RAP1A: variants seen among roughly 807,000 people sequenced by gnomAD.
RAP1A encodes ras-related protein Rap-1A.
In RAP1A, 6 loss-of-function variants were observed where a neutral mutation model predicts 26.4. That is an observed-to-expected ratio of 0.23 (90% CI 0.12 to 0.45). The LOEUF (loss-of-function observed/expected upper bound fraction) is 0.45. Among genes scored for constraint, RAP1A ranks in the 20% least tolerant of loss-of-function variants. The probability of loss-of-function intolerance (pLI) is 0.99; values close to 1 mark genes in which losing one functional copy is unlikely to be tolerated. For synonymous variants in RAP1A, 73 were observed against 79.4 expected (o/e 0.92, Z 0.43); for missense variants, 121 against 217.2 (o/e 0.56, Z 2.78).
rs993003226 is a variant in RAP1A at position 111,674,097 on chromosome 1, A to G, written c.-27-17237A>G. Among the ~76,000 whole-genome samples, 8 of 152,300 alleles carry G rather than the reference A, an allele frequency of 5.3e-5. No individual in the cohort carries two copies. In the East Asian group the frequency reaches 1.4e-3, roughly 26 times the overall value. The stretch of plus-strand genomic sequence containing the variant: ...AAAGCTGGAGGCATTTGGGGAATAT[A>G]AATGATCCATGCTATATTAGGATTC... On this transcript the variant is annotated intron_variant, in intron 1 of 7. Coordinates refer to ENST00000369709, the MANE Select transcript of RAP1A (RefSeq NM_002884.4).
intron 1 of RAP1A, among the ~76,000 whole-genome samples, chr1:111,652,741 G>A (rs1444708607): frequency 6.6e-6 from 1 of 152,184 alleles, no homozygotes; most frequent in Non-Finnish European, 1.5e-5. Flanking sequence ...AGGATGTAGA[G>A]AGATTGGAAC....
At chr1:111,692,426 G>A (rs969790464) in intron 2 of RAP1A, among the ~76,000 whole-genome samples, 1 of 152,274 alleles carries the variant, frequency 6.6e-6, no homozygotes, top group Non-Finnish European at 1.5e-5. Context: ...AGGCATGTAA[G>A]TCAGTACCTC....
At chr1:111,681,973 G>A (rs954477883) in intron 1 of RAP1A, among the ~76,000 whole-genome samples, 2 of 152,228 alleles carry the variant, frequency 1.3e-5, no homozygotes, top group East Asian at 1.9e-4. Flanking sequence ...ACAAAGGGAA[G>A]CCTATCAGAA....
intron 1 of RAP1A, among the ~76,000 whole-genome samples, chr1:111,655,437 A>G (rs1488086125): frequency 2.0e-5 from 3 of 152,086 alleles, no homozygotes; most frequent in African/African-American, 7.2e-5. Flanking sequence ...ACGCATTCAC[A>G]AAAGAAAAAA....
chr1:111,630,474 T>G (rs1659536022), intron 1 of RAP1A, among the ~76,000 whole-genome samples: 1 of 152,148 alleles, frequency 6.6e-6, no homozygotes, highest in Non-Finnish European at 1.5e-5. Context: ...TTTATACCAC[T>G]GAAGGGTTGA....
intron 1 of RAP1A, among the ~76,000 whole-genome samples, chr1:111,549,357 A>G (rs2800897): frequency 0.54 from 78,931 of 147,444 alleles, 21,339 homozygotes; most frequent in Middle Eastern, 0.61. Context: ...CCCCTTTTAA[A>G]ACATGGTCGG....
chr1:111,559,496 C>T (rs1657645623), intron 1 of RAP1A, among the ~76,000 whole-genome samples: 1 of 152,228 alleles, frequency 6.6e-6, no homozygotes, highest in South Asian at 2.1e-4. Flanking sequence ...TTTTCCAGTA[C>T]CCAGCTGTGT....
chr1:111,603,801 T>G (rs1431961633), intron 1 of RAP1A, among the ~76,000 whole-genome samples: 2 of 152,184 alleles, frequency 1.3e-5, no homozygotes, highest in Non-Finnish European at 2.9e-5. Context: ...TTCCTTCTCT[T>G]TTTAACAAAA....
intron 1 of RAP1A, among the ~76,000 whole-genome samples, chr1:111,650,093 C>CTTTTTTTT (rs57681662): frequency 1.2e-3 from 91 of 75,784 alleles, no homozygotes; most frequent in Middle Eastern, 8.9e-3. Flanking sequence ...TGGTAGAGTG[C>CTTTTTTTT]TTTTTTTTTT....
Position 111,652,132 on chromosome 1 carries a change from C to G in RAP1A, c.-28+32198C>G, listed in dbSNP as rs141796752. Among the ~76,000 whole-genome samples the G allele has an allele frequency of 8.6e-3, 1,313 of 152,234 alleles. 17 individuals are homozygous for G. Among genetic ancestry groups the G allele is most frequent in the African/African-American group, 0.03 (1,258 of 41,546 alleles). ...GGAACTATAGGCTTGTGCCACCATG[C>G]CCAGCTAATGTTTGTATTTTTAGTA... On this transcript the variant is annotated intron_variant, in intron 1 of 7. Transcript: ENST00000369709.
chr1:111,542,888 G>T (rs1484058351), intron 1 of RAP1A, among the ~76,000 whole-genome samples: 1 of 151,962 alleles, frequency 6.6e-6, no homozygotes, highest in Non-Finnish European at 1.5e-5. Flanking sequence ...ATAGAGATGG[G>T]GTTTCACCAT....
chr1:111,690,463 G>T (rs1312254724), intron 1 of RAP1A, among the ~76,000 whole-genome samples: 1 of 152,212 alleles, frequency 6.6e-6, no homozygotes, highest in Non-Finnish European at 1.5e-5. Context: ...CTCTGCTTGA[G>T]TTCTTTCTCC....
chr1:111,657,205 C>A (rs1392913161), intron 1 of RAP1A, among the ~76,000 whole-genome samples: 1 of 152,202 alleles, frequency 6.6e-6, no homozygotes, highest in Non-Finnish European at 1.5e-5. Context: ...TGAGTGCTGA[C>A]ATGACACCAG....
chr1:111,556,221 T>C (rs979390413), intron 1 of RAP1A, among the ~76,000 whole-genome samples: 8 of 152,094 alleles, frequency 5.3e-5, no homozygotes, highest in Admixed American at 2.6e-4. Flanking sequence ...CAATGAGATA[T>C]CACTTTACAC....
intron 2 of RAP1A, among the ~76,000 whole-genome samples, chr1:111,694,030 AG>A (rs1392310143): frequency 2.0e-5 from 3 of 152,000 alleles, no homozygotes; most frequent in African/African-American, 7.3e-5. Context: ...CTGGGACTAC[AG>A]GTGCATGCCA....
intron 1 of RAP1A, among the ~76,000 whole-genome samples, chr1:111,643,319 C>T (rs1164080104): frequency 2.6e-5 from 4 of 152,286 alleles, no homozygotes; most frequent in East Asian, 1.9e-4. Flanking sequence ...AGTGTGCTGG[C>T]CCCTGAAGTA....
intron 1 of RAP1A, among the ~76,000 whole-genome samples, chr1:111,580,857 A>G (rs12740329): frequency 2.4e-5 from 1 of 42,282 alleles, no homozygotes; most frequent in Non-Finnish European, 9.1e-5. Flanking sequence ...AAACAAAAAA[A>G]CAAAAAACAA....
intron 1 of RAP1A, among the ~76,000 whole-genome samples, chr1:111,584,714 C>A (rs947067238): frequency 6.6e-6 from 1 of 152,116 alleles, no homozygotes; most frequent in Non-Finnish European, 1.5e-5. Flanking sequence ...TAGAGAAATT[C>A]ATATATAAAT....
In RAP1A at chr1:111,691,340, A is replaced by G; in HGVS notation, c.-21A>G. 1 of 1,603,696 alleles carries G rather than the reference A, an allele frequency of 6.2e-7. No individual in the cohort carries two copies. On this transcript the variant is annotated 5_prime_UTR_variant, in exon 2 of 8. Transcript: ENST00000369709. ...TTTTTTGTTTGTTTTTCAGATCGTC[A>G]GTATTTAAACAGATCACATCATGCG...
Sources: gnomAD v4.1 joint callset for allele counts (sites outside exome capture counted in the v4.1 genomes callset) on GRCh38, gnomAD v4.1.1 for gene constraint, MANE v1.5 for transcripts, NCBI Gene and HGNC (gene_info 2026-07-23, HGNC 2026-07-21) for gene names.